PRKD1: variants seen among roughly 807,000 people sequenced by gnomAD.
PRKD1 encodes the protein protein kinase D1.
Under a neutral mutation model 95.9 loss-of-function variants are expected in PRKD1, and 63 were observed. The observed-to-expected ratio is 0.66, with a 90% CI of 0.54 to 0.81. The LOEUF (loss-of-function observed/expected upper bound fraction) is 0.81. PRKD1 is among the 30% of genes least tolerant of loss of function. The probability of loss-of-function intolerance (pLI) is 0.00; values close to 1 mark genes in which losing one functional copy is unlikely to be tolerated. For synonymous variants in PRKD1, 425 were observed against 423.1 expected, an observed-to-expected ratio of 1.00 and a Z score of -0.05; for missense variants, 1,048 against 1,165.3, an observed-to-expected ratio of 0.90 and a Z score of 1.47.
At chr14:29,816,232 TA>T (rs1890689899) in intron 1 of PRKD1, among the ~76,000 whole-genome samples, 1 of 151,966 alleles carries the variant, frequency 6.6e-6, no homozygotes, top group Non-Finnish European at 1.5e-5. Flanking sequence ...TCTCAGTAAA[TA>T]AATAAATAAA....
intron 4 of PRKD1, among the ~76,000 whole-genome samples, chr14:29,647,018 T>G (rs1192284778): frequency 1.3e-5 from 2 of 152,054 alleles, no homozygotes; most frequent in African/African-American, 2.4e-5. Context: ...ATCCTAAATA[T>G]ATAGCATAAA....
At chr14:29,742,005 C>T (rs1338830595) in intron 1 of PRKD1, among the ~76,000 whole-genome samples, 2 of 152,186 alleles carry the variant, frequency 1.3e-5, no homozygotes, top group East Asian at 3.9e-4. Context: ...ACAAATGATC[C>T]TTTGGTTCCA....
At chr14:29,913,076 C>T (rs1894775354) in intron 1 of PRKD1, among the ~76,000 whole-genome samples, 1 of 152,216 alleles carries the variant, frequency 6.6e-6, no homozygotes, top group Non-Finnish European at 1.5e-5. Context: ...AAGCAATTAG[C>T]TTACGAAATG....
intron 1 of PRKD1, among the ~76,000 whole-genome samples, chr14:29,818,616 G>GAA (rs71108499): frequency 5.5e-4 from 72 of 129,928 alleles, no homozygotes; most frequent in Middle Eastern, 4.3e-3. Context: ...TACTTCATTT[G>GAA]AAAAAAAAAA....
At chr14:29,701,241 T>A (rs1248058114) in intron 2 of PRKD1, among the ~76,000 whole-genome samples, 1 of 152,158 alleles carries the variant, frequency 6.6e-6, no homozygotes, top group African/African-American at 2.4e-5. Context: ...CCTGGAAATT[T>A]GTTAGAAATG....
intron 13 of PRKD1, among the ~76,000 whole-genome samples, chr14:29,619,555 G>A (rs550686289): frequency 1.5e-4 from 23 of 152,218 alleles, no homozygotes; most frequent in African/African-American, 5.5e-4. Context: ...GGTTGAGAGT[G>A]GTGAGAGGAA....
intron 1 of PRKD1, among the ~76,000 whole-genome samples, chr14:29,850,483 T>TAC (rs1050240111): frequency 1.5e-4 from 22 of 146,568 alleles, no homozygotes; most frequent in East Asian, 9.9e-4. Flanking sequence ...CACACACATA[T>TAC]ACACACACAC....
rs1888849574 is a variant in PRKD1, at chr14:29,777,944, C to T, written c.265-52270G>A. 2.6e-5 allele frequency among the ~76,000 whole-genome samples: 4 copies of T among 152,306 alleles called. No individual in the cohort carries two copies. The South Asian group carries it at 8.3e-4, about 32-fold the overall frequency. On this transcript the variant is annotated intron_variant, in intron 1 of 17. Coordinates refer to ENST00000331968, the MANE Select transcript of PRKD1 (RefSeq NM_002742.3). ...AAGAACAGAAATTATAACAAACTGT[C>T]TCTCAGACCACAGTGCAATCAAACT...
At chr14:29,723,847 G>C (rs1362696841) in intron 2 of PRKD1, among the ~76,000 whole-genome samples, 1 of 152,140 alleles carries the variant, frequency 6.6e-6, no homozygotes, top group African/African-American at 2.4e-5. Flanking sequence ...CTGGAGTCTG[G>C]TGCTGGGAAA....
chr14:29,767,821 T>A (rs1231112767), intron 1 of PRKD1, among the ~76,000 whole-genome samples: 2 of 152,228 alleles, frequency 1.3e-5, no homozygotes, highest in Admixed American at 1.3e-4. Flanking sequence ...GTGATTGATT[T>A]CAATCACAAT....
At chr14:29,776,864 G>A (rs572952900) in intron 1 of PRKD1, among the ~76,000 whole-genome samples, 117 of 152,268 alleles carry the variant, frequency 7.7e-4, no homozygotes, top group Non-Finnish European at 1.3e-3. Context: ...AAGTTGAAAT[G>A]AAGGAAAAAA....
Position 29,835,586 on chromosome 14 carries a change from T to A in PRKD1, c.264+91663A>T, listed in dbSNP as rs571174709. The stretch of plus-strand genomic sequence containing the variant: ...TCTTTATTTATTTATTTATTTATTT[T>A]TTGAGACAGAGTCTTGCTCTGTCTC... On this transcript the variant is annotated intron_variant, in intron 1 of 17. Coordinates refer to ENST00000331968, the MANE Select transcript of PRKD1 (RefSeq NM_002742.3). Among the ~76,000 whole-genome samples the A allele has an allele frequency of 3.3e-5, 5 of 152,240 alleles. No homozygotes were observed. In the South Asian group the frequency reaches 1.0e-3, roughly 32 times the overall value.
intron 1 of PRKD1, among the ~76,000 whole-genome samples, chr14:29,830,674 CT>C (rs750481964): frequency 3.2e-3 from 466 of 144,022 alleles, no homozygotes; most frequent in Middle Eastern, 3.5e-3. Flanking sequence ...CCCATAGAAA[CT>C]TTTTTTTTTT....
rs1893216600 is a variant in PRKD1 at position 29,874,425 on chromosome 14, C to T, written c.264+52824G>A. 4.6e-5 allele frequency among the ~76,000 whole-genome samples: 7 copies of T among 152,084 alleles called. No individual in the cohort carries two copies. The South Asian group carries it at 1.4e-3, about 31-fold the overall frequency. On this transcript the variant is annotated intron_variant, in intron 1 of 17. Coordinates refer to ENST00000331968, the MANE Select transcript of PRKD1 (RefSeq NM_002742.3). ...ACGGAAAACAGTATGAAGATTCCTT[C>T]TAAAACTGAAAGAACTATCATATGA...
rs575396173 is a variant in PRKD1 at position 29,822,245 on chromosome 14, T to C, written c.265-96571A>G. Among the ~76,000 whole-genome samples the C allele has an allele frequency of 5.9e-5, 9 of 152,292 alleles. No homozygotes were observed. The East Asian group carries it at 1.7e-3, about 29-fold the overall frequency. ...CACATGAGCTATAGAAAATAGTCAC[T>C]GACAGATCAAGTTTAGTAGCTTCAA... On this transcript the variant is annotated intron_variant, in intron 1 of 17. Coordinates refer to ENST00000331968, the MANE Select transcript of PRKD1 (RefSeq NM_002742.3).
chr14:29,848,650 C>T (rs905651743), intron 1 of PRKD1, among the ~76,000 whole-genome samples: 3 of 150,586 alleles, frequency 2.0e-5, no homozygotes, highest in Non-Finnish European at 4.4e-5. Context: ...TTATCAGATT[C>T]AAGTGTCTGA....
rs78979498 is a variant in PRKD1 at position 29,634,350 on chromosome 14, C to T, written c.1314+68G>A. The T allele has an allele frequency of 3.5e-5, 57 of 1,608,656 alleles. No individual in the cohort carries two copies. In the East Asian group the frequency reaches 5.8e-4, roughly 16 times the overall value. On this transcript the variant is annotated intron_variant, in intron 8 of 17. Transcript: ENST00000331968. Reference sequence around the variant, plus strand: ...TAATGCAGAAATCTCACAGTCCTCACGGGACATTAGCAACTCCTCTAATTA... The same window carrying T: ...TAATGCAGAAATCTCACAGTCCTCATGGGACATTAGCAACTCCTCTAATTA...
intron 1 of PRKD1, among the ~76,000 whole-genome samples, chr14:29,913,420 T>A (rs751713930): frequency 6.6e-6 from 1 of 152,208 alleles, no homozygotes; most frequent in African/African-American, 2.4e-5. Flanking sequence ...AGGCATGGAA[T>A]TGGGACTGTC....
At chr14:29,651,798 C>T (rs1881522174) in intron 4 of PRKD1, among the ~76,000 whole-genome samples, 1 of 152,032 alleles carries the variant, frequency 6.6e-6, no homozygotes, top group Non-Finnish European at 1.5e-5. Flanking sequence ...GTCTAGAGTG[C>T]AATGGCTGTG....
Sources: allele counts gnomAD v4.1 joint callset (sites outside exome capture counted in the v4.1 genomes callset), GRCh38; gene constraint gnomAD v4.1.1; transcripts MANE v1.5; gene names NCBI Gene and HGNC (gene_info 2026-07-23, HGNC 2026-07-21).